The following ST6GAL1 variants were observed in gnomAD, a reference collection of about 807,000 sequenced individuals.
ST6GAL1 encodes ST6 beta-galactoside alpha-2,6-sialyltransferase 1, also known as beta-galactoside alpha-2,6-sialyltransferase 1.
ST6GAL1 carries 20 observed loss-of-function variants against 38.0 expected under a neutral mutation model. That is an observed-to-expected ratio of 0.53 (90% CI 0.37 to 0.77). The LOEUF (loss-of-function observed/expected upper bound fraction) is 0.77. Ranked by LOEUF, ST6GAL1 falls within the 30% of genes least tolerant of loss-of-function variation. ST6GAL1 has a pLI of 0.00. For missense variants in ST6GAL1, 432 were observed against 496.4 expected, an observed-to-expected ratio of 0.87 and a Z score of 1.23; for synonymous variants, 196 against 188.2, an observed-to-expected ratio of 1.04 and a Z score of -0.34.
intron 4 of ST6GAL1, among the ~76,000 whole-genome samples, chr3:187,047,000 C>T (rs1718318560): frequency 6.6e-6 from 1 of 152,204 alleles, no homozygotes; most frequent in South Asian, 2.1e-4. Context: ...GGCTGGAGTG[C>T]AGTGGCATGA....
At chr3:187,058,716 A>C (rs1718807541) in intron 5 of ST6GAL1, among the ~76,000 whole-genome samples, 1 of 151,928 alleles carries the variant, frequency 6.6e-6, no homozygotes, top group Admixed American at 6.6e-5. Context: ...ATCTTGGCTT[A>C]CTGCAACCTC....
Position 187,051,335 on chromosome 3 carries a change from A to G in ST6GAL1, c.694A>G (p.Met232Val), listed in dbSNP as rs144459039. ...GGGCACAAAAACTACCATTCGCCTG[A>G]TGAACTCTCAGGTAAAATTTCTTCT... is the stretch of plus-strand genomic sequence containing the variant. ...DVGTKTTIRL[M>V]NSQLVTTEKR... is the part of the protein sequence containing the mutation. The change falls in exon 5 of 8, where the codon ATG (methionine) becomes GTG (valine). Residue 232 changes from methionine to valine, a missense_variant. Physicochemically the swap from Met to Val is conservative, Grantham distance 21. Transcript: ENST00000169298. 2.5e-6 allele frequency: 4 copies of G among 1,613,964 alleles called. No individual in the cohort carries two copies. Among genetic ancestry groups the G allele is most frequent in the African/African-American group, 2.7e-5 (2 of 74,920 alleles).
chr3:187,025,437 T>C (rs1717503055), intron 2 of ST6GAL1: 1 of 151,668 alleles, frequency 6.6e-6, no homozygotes, highest in South Asian at 2.1e-4. Context: ...GGGTGAAGTG[T>C]TTTTTCCACT....
chr3:187,010,963 C>T (rs924875220), intron 2 of ST6GAL1, among the ~76,000 whole-genome samples: 31 of 152,180 alleles, frequency 2.0e-4, no homozygotes, highest in African/African-American at 6.8e-4. Flanking sequence ...GCCCCTTCTT[C>T]GGGGCCGAGA....
At chr3:187,005,891 G>A (rs1197422037) in intron 2 of ST6GAL1, among the ~76,000 whole-genome samples, 1 of 152,170 alleles carries the variant, frequency 6.6e-6, no homozygotes, top group African/African-American at 2.4e-5. Flanking sequence ...GTCCTGGGGA[G>A]TCTGGGAAAG....
chr3:186,974,009 G>C (rs1169715760), intron 2 of ST6GAL1, among the ~76,000 whole-genome samples: 1 of 152,188 alleles, frequency 6.6e-6, no homozygotes, highest in Non-Finnish European at 1.5e-5. Flanking sequence ...CGTGAATTGT[G>C]GGGGTTGCTG....
intron 4 of ST6GAL1, among the ~76,000 whole-genome samples, chr3:187,044,695 C>T (rs1037002506): frequency 5.3e-5 from 8 of 152,134 alleles, no homozygotes; most frequent in South Asian, 2.1e-4. Flanking sequence ...GTTAATATTG[C>T]GTGCCTGGCT....
At chr3:187,005,350 A>G (rs1319071692) in intron 2 of ST6GAL1, among the ~76,000 whole-genome samples, 2 of 140,202 alleles carry the variant, frequency 1.4e-5, no homozygotes, top group Non-Finnish European at 3.0e-5. Flanking sequence ...ATCTCGGCTC[A>G]GTGCAAGCTC....
intron 2 of ST6GAL1, among the ~76,000 whole-genome samples, chr3:186,998,909 A>G (rs1048914030): frequency 4.6e-5 from 7 of 152,226 alleles, no homozygotes; most frequent in Admixed American, 3.3e-4. Flanking sequence ...AGTTTATTAC[A>G]GAACTATCTA....
intron 2 of ST6GAL1, among the ~76,000 whole-genome samples, chr3:186,968,714 T>C (rs566981049): frequency 6.6e-6 from 1 of 152,380 alleles, no homozygotes; most frequent in Admixed American, 6.5e-5. Context: ...GTTGTGGATA[T>C]ACCACAATTT....
At chr3:186,951,666 T>C (rs1714582450) in intron 1 of ST6GAL1, among the ~76,000 whole-genome samples, 1 of 152,206 alleles carries the variant, frequency 6.6e-6, no homozygotes, top group Non-Finnish European at 1.5e-5. Flanking sequence ...CTCTAACACC[T>C]TCCCTATCCA....
At chr3:186,976,689 C>G (rs1224386876) in intron 2 of ST6GAL1, among the ~76,000 whole-genome samples, 1 of 152,200 alleles carries the variant, frequency 6.6e-6, no homozygotes, top group African/African-American at 2.4e-5. Context: ...TTTGGCTTCC[C>G]AAAGTGCTGA....
At position 186,967,561 on chromosome 3, in the gene ST6GAL1, G is replaced by A. The variant is rs138484054; in HGVS notation, c.-183+3635G>A. ...ACCAGCAGATGGGGGAGGGAGTCAG[G>A]GTCTTTGGAAGATACCTACTGAGGG... On this transcript the variant is annotated intron_variant, in intron 2 of 7. Transcript: ENST00000169298. Among the ~76,000 whole-genome samples, 666 of 152,286 alleles carry A rather than the reference G, an allele frequency of 4.4e-3. 8 individuals carry two copies. The highest frequency in any genetic ancestry group is 0.015 in the African/African-American group (623 of 41,564).
At chr3:187,064,493 C>T (rs940984044) in intron 5 of ST6GAL1, 4 of 455,528 alleles carry the variant, frequency 8.8e-6, no homozygotes, top group African/African-American at 8.0e-5. Context: ...TCTACTGAAG[C>T]AGATTTTTTT....
chr3:186,934,764 T>G (rs928340301), intron 1 of ST6GAL1, among the ~76,000 whole-genome samples: 50 of 151,718 alleles, frequency 3.3e-4, no homozygotes, highest in Middle Eastern at 3.4e-3. Context: ...ATTTATGTAT[T>G]TATTTATTTA....
intron 2 of ST6GAL1, among the ~76,000 whole-genome samples, chr3:186,977,995 C>T (rs551780202): frequency 3.7e-4 from 57 of 152,170 alleles, no homozygotes; most frequent in African/African-American, 1.3e-3. Flanking sequence ...GGGAGGATCA[C>T]CTGAGGTCAG....
intron 2 of ST6GAL1, among the ~76,000 whole-genome samples, chr3:186,984,841 C>T (rs866850934): frequency 6.0e-4 from 45 of 75,190 alleles, no homozygotes; most frequent in African/African-American, 1.1e-3. Context: ...CCCTCCCTCC[C>T]TCCCTCCTTC....
At chr3:187,032,674 G>GA (rs1382296798) in intron 2 of ST6GAL1, among the ~76,000 whole-genome samples, 4 of 152,152 alleles carry the variant, frequency 2.6e-5, no homozygotes, top group African/African-American at 4.8e-5. Context: ...TGCCACAAGG[G>GA]AAATTCATGC....
At chr3:186,997,879 C>G (rs1203285197) in intron 2 of ST6GAL1, among the ~76,000 whole-genome samples, 2 of 152,084 alleles carry the variant, frequency 1.3e-5, no homozygotes, top group Non-Finnish European at 2.9e-5. Context: ...CCAGTGCTAT[C>G]TAATGGAAAT....
Sources: allele counts gnomAD v4.1 joint callset (sites outside exome capture counted in the v4.1 genomes callset), GRCh38; gene constraint gnomAD v4.1.1; transcripts MANE v1.5; gene names NCBI Gene and HGNC (gene_info 2026-07-23, HGNC 2026-07-21).